Variants in MICALL2 observed in about 807,000 individuals in gnomAD.
MICALL2 encodes the protein MICAL like 2, also known as MICAL-like protein 2.
In MICALL2, 111 loss-of-function variants were observed where a neutral mutation model predicts 91.1. The ratio of observed to expected loss-of-function variants is 1.22; its 90% confidence interval spans 1.04 to 1.43. The LOEUF is 1.43. Among genes scored for constraint, MICALL2 ranks in the 40% most tolerant of loss-of-function variants. The pLI is 0.00. For synonymous variants in MICALL2, 694 were observed against 525.3 expected (o/e 1.32, Z -4.39); for missense variants, 1,556 against 1,236.0 (o/e 1.26, Z -3.88).
chr7:1,435,076 CCCTCAGCATCCCCGGCCCAGT>C lies in MICALL2; in HGVS notation c.2638+4_2638+24del, dbSNP rs770544090. The C allele has an allele frequency of 2.1e-5, 34 of 1,611,206 alleles. No individual in the cohort carries two copies. In the South Asian group the frequency reaches 3.7e-4, roughly 18 times the overall value. ...CGGCCCACCCAGCCAGCCAGCCCAG[CCCTCAGCATCCCCGGCCCAGT>C]CACCCAGCTTCTCAATCATGTCCCG... is the stretch of plus-strand genomic sequence containing the variant. On this transcript the variant is annotated splice_donor_5th_base_variant and intron_variant, in intron 16 of 16. Coordinates refer to ENST00000297508, the MANE Select transcript of MICALL2 (RefSeq NM_182924.4).
At position 1,447,709 on chromosome 7, in the gene MICALL2, C is replaced by G. The variant is rs781357571; in HGVS notation, c.391G>C (p.Gly131Arg). The G allele has an allele frequency of 2.5e-6, 4 of 1,577,028 alleles. No individual in the cohort carries two copies. The East Asian group carries it at 9.3e-5, about 37-fold the overall frequency. Residue 131 changes from glycine to arginine, a missense_variant, in exon 4 of 17, where the codon GGG (glycine) becomes CGG (arginine). By Grantham distance (125) the Gly-to-Arg change is moderately radical (BLOSUM62 -2). Transcript: ENST00000297508. ...ASEDSEEEPS[G>R]KKAPVQAAKL... is the part of the protein sequence containing the mutation. ...GCCGCCTGGACTGGAGCCTTCTTCC[C>G]TGACGGCTCCTCCTCAGAGTCCTCC...
At chr7:1,435,688 A>T (rs1028622004) in intron 15 of MICALL2, among the ~76,000 whole-genome samples, 4 of 152,260 alleles carry the variant, frequency 2.6e-5, no homozygotes, top group African/African-American at 9.6e-5. Context: ...CGAGACAGGA[A>T]AGCTGTCGGG....
At chr7:1,437,507 C>A in intron 14 of MICALL2, 28 bp downstream of exon 14, 3 of 1,501,598 alleles carry the variant, frequency 2.0e-6, no homozygotes, top group Non-Finnish European at 2.6e-6. Flanking sequence ...CTGGCTGGGG[C>A]CCCTTGGCTG....
At chr7:1,440,713 G>T (rs749967625) in intron 7 of MICALL2, 29 bp from the exon 8 acceptor site, 1 of 1,584,430 alleles carries the variant, frequency 6.3e-7, no homozygotes, top group Non-Finnish European at 8.6e-7. Flanking sequence ...GTCTGGGTGT[G>T]AGGAAGGAGT....
At chr7:1,453,173 C>G (rs1400787651) in intron 1 of MICALL2, among the ~76,000 whole-genome samples, 2 of 152,226 alleles carry the variant, frequency 1.3e-5, no homozygotes, top group East Asian at 3.9e-4. Context: ...CACATTGGAG[C>G]CCTAACCTCC....
chr7:1,452,434 C>A lies in MICALL2; in HGVS notation c.144-2146G>T, dbSNP rs989896028. On this transcript the variant is annotated intron_variant, in intron 1 of 16. Coordinates refer to ENST00000297508, the MANE Select transcript of MICALL2 (RefSeq NM_182924.4). The surrounding 1 kb of genome is among the most constrained non-coding windows in gnomAD (Gnocchi z 6.2). ...AGCCGGCTCTCCCTCCCTCTCTCCC[C>A]GCCCCCAGCCCTTTGAAAGCTCAAG... 6.6e-6 allele frequency among the ~76,000 whole-genome samples: 1 copy of A among 152,128 alleles called. No individual in the cohort carries two copies. The highest frequency in any genetic ancestry group is 6.5e-5 in the Admixed American group (1 of 15,288).
At chr7:1,449,758 T>A (rs1001450233) in intron 2 of MICALL2, among the ~76,000 whole-genome samples, 5 of 152,230 alleles carry the variant, frequency 3.3e-5, no homozygotes, top group African/African-American at 1.2e-4. Context: ...GTGCTTATTC[T>A]GCAGCAGGCA....
Position 1,448,548 on chromosome 7 carries a change from A to G in MICALL2, c.334+72T>C. 4.5e-6 allele frequency: 7 copies of G among 1,559,894 alleles called. No homozygotes were observed. In the South Asian group the frequency reaches 7.8e-5, roughly 17 times the overall value. ...GCTGGGCATGGACCCCAAAAAGTCC[A>G]CAGGCCTGGGAGCCAGGCCAAGGAT... On this transcript the variant is annotated intron_variant, in intron 3 of 16. Coordinates refer to ENST00000297508, the MANE Select transcript of MICALL2 (RefSeq NM_182924.4).
chr7:1,437,714 G>A (rs1584196688), intron 13 of MICALL2, 106 bp from the exon 14 acceptor site: 2 of 1,339,186 alleles, frequency 1.5e-6, no homozygotes, highest in East Asian at 5.0e-5. Flanking sequence ...ACACGAGTCT[G>A]AGGCCTGACT....
rs145605573 is a variant in MICALL2, at chr7:1,448,747, G to C, written c.207C>G (p.Ala69=). The C allele has an allele frequency of 1.9e-6, 3 of 1,612,660 alleles. No individual in the cohort carries two copies. Among genetic ancestry groups the C allele is most frequent in the Non-Finnish European group, 2.5e-6 (3 of 1,179,906 alleles). ...AGGCTGGGATGCCCAAGTGCTCCTC[G>C]GCCACGCGGAAGGCCTGCGAAAGGT... ...YENNKLAFRV[A]EEHLGIPALL... The change falls in exon 3 of 17, where the codon GCC becomes GCG. Residue 69 remains alanine (A), a synonymous_variant. Transcript: ENST00000297508.
At position 1,435,094 on chromosome 7, in the gene MICALL2, C is replaced by G. The variant is rs1371709206; in HGVS notation, c.2638+7G>C. ...AGCCCAGCCCTCAGCATCCCCGGCC[C>G]AGTCACCCAGCTTCTCAATCATGTC... On this transcript the variant is annotated splice_region_variant and intron_variant, in intron 16 of 16. Transcript: ENST00000297508. 1 of 1,612,974 alleles carries G rather than the reference C, an allele frequency of 6.2e-7. No homozygotes were observed. The highest frequency in any genetic ancestry group is 8.5e-7 in the Non-Finnish European group (1 of 1,179,896).
At chr7:1,448,994 G>A (rs535379157) in intron 2 of MICALL2, among the ~76,000 whole-genome samples, 1 of 152,302 alleles carries the variant, frequency 6.6e-6, no homozygotes, top group East Asian at 1.9e-4. Flanking sequence ...GGGCGCTCAA[G>A]GCCCCGTCCA....
intron 1 of MICALL2, among the ~76,000 whole-genome samples, chr7:1,454,575 G>A (rs1331014924): frequency 6.6e-6 from 1 of 152,198 alleles, no homozygotes; most frequent in Non-Finnish European, 1.5e-5. Context: ...TAGGTGGACA[G>A]GCAGCCCCCT....
At chr7:1,439,793 C>A (rs974625608) in intron 9 of MICALL2, 132 bp downstream of exon 9, 13 of 688,896 alleles carry the variant, frequency 1.9e-5, no homozygotes, top group Admixed American at 8.4e-5. Context: ...GGACTACCAG[C>A]TTCTCTGGCT....
At chr7:1,458,482 C>T (rs1307359434) in intron 1 of MICALL2, among the ~76,000 whole-genome samples, 7 of 152,256 alleles carry the variant, frequency 4.6e-5, no homozygotes, top group Non-Finnish European at 4.4e-5. Flanking sequence ...AGCCAAAGAG[C>T]GTTTGCTGAG....
chr7:1,438,551 G>A, intron 10 of MICALL2, 198 bp from the exon 11 acceptor site: 3 of 1,428,018 alleles, frequency 2.1e-6, no homozygotes, highest in East Asian at 2.5e-5. Context: ...GCCCCACCCT[G>A]CACCCTGCCC....
intron 3 of MICALL2, among the ~76,000 whole-genome samples, chr7:1,448,302 G>C (rs1473745686): frequency 6.6e-6 from 1 of 152,252 alleles, no homozygotes; most frequent in Non-Finnish European, 1.5e-5. Context: ...CCCATGAGGG[G>C]CAGGGCGGCA....
intron 14 of MICALL2, 86 bp from the exon 15 acceptor site, chr7:1,436,942 G>T: frequency 1.0e-6 from 1 of 984,762 alleles, no homozygotes; most frequent in South Asian, 1.9e-5. Context: ...CCAAGCGCCA[G>T]GCTCCTCTTT....
In MICALL2 at chr7:1,457,472, T is replaced by C. The variant is rs978574004; in HGVS notation, c.143+1712A>G. ...CCCTGGGCTTTTATTCATTTACCTGTTCCCTGTCTGTCTCTGTGACCGGAA... is the reference window on the plus strand; with the variant it reads ...CCCTGGGCTTTTATTCATTTACCTGCTCCCTGTCTGTCTCTGTGACCGGAA... On this transcript the variant is annotated intron_variant, in intron 1 of 16. Transcript: ENST00000297508. 2.0e-5 allele frequency among the ~76,000 whole-genome samples: 3 copies of C among 152,198 alleles called. No individual in the cohort carries two copies. The East Asian group carries it at 5.8e-4, about 29-fold the overall frequency.
Sources: gnomAD v4.1 joint callset for allele counts (sites outside exome capture counted in the v4.1 genomes callset) on GRCh38, gnomAD v4.1.1 for gene constraint, Gnocchi (gnomAD v3.1) non-coding constraint, MANE v1.5 for transcripts, NCBI Gene and HGNC (gene_info 2026-07-23, HGNC 2026-07-21) for gene names.